The following KAZN variants were observed in gnomAD, a reference collection of about 807,000 sequenced individuals.
KAZN encodes kazrin, periplakin interacting protein, also known as kazrin.
KAZN carries 40 observed loss-of-function variants against 87.4 expected under a neutral mutation model. The observed-to-expected ratio is 0.46, with a 90% CI of 0.36 to 0.60. KAZN has a LOEUF of 0.60. Among genes scored for constraint, KAZN ranks in the 20% least tolerant of loss-of-function variants. The pLI, the probability that KAZN is intolerant of heterozygous loss-of-function variation, is 0.00. For synonymous variants in KAZN, 466 were observed against 458.3 expected, an observed-to-expected ratio of 1.02 and a Z score of -0.22; for missense variants, 898 against 1,073.9, an observed-to-expected ratio of 0.84 and a Z score of 2.29.
At chr1:15,069,558 T>C (rs1245381373) in intron 8 of KAZN, among the ~76,000 whole-genome samples, 1 of 152,164 alleles carries the variant, frequency 6.6e-6, no homozygotes, top group African/African-American at 2.4e-5. Flanking sequence ...ACCCGGGAGT[T>C]GGAGCTTGCA....
intron 1 of KAZN, among the ~76,000 whole-genome samples, chr1:14,164,330 G>C (rs1443567413): frequency 1.3e-5 from 2 of 152,058 alleles, no homozygotes; most frequent in Non-Finnish European, 2.9e-5. Context: ...TCACATGGCT[G>C]GTGGGTTCAT....
intron 4 of KAZN, among the ~76,000 whole-genome samples, chr1:15,048,422 ATGTGTGTGTG>A (rs111596883): frequency 6.6e-6 from 1 of 150,820 alleles, no homozygotes; most frequent in Non-Finnish European, 1.5e-5. Flanking sequence ...ATGTGTGTGT[ATGTGTGTGTG>A]TGTGTGTATG....
chr1:14,136,268 T>C (rs1645107716), intron 1 of KAZN, among the ~76,000 whole-genome samples: 1 of 152,148 alleles, frequency 6.6e-6, no homozygotes. Flanking sequence ...GGATGTCCTC[T>C]GGCTCACTCC....
In KAZN at chr1:15,066,745, T is replaced by A. The variant is rs1639253389; in HGVS notation, c.1222+992T>A. 1.0e-6 allele frequency: 1 copy of A among 985,404 alleles called. No individual in the cohort carries two copies. The highest frequency in any genetic ancestry group is 1.2e-6 in the Non-Finnish European group (1 of 829,952). 61.0% of individuals were successfully genotyped at this position (985,404 alleles called of 1,614,324 possible). A position where few individuals can be genotyped will look rare whatever the true frequency, so the allele number is the denominator to read the frequency against. On this transcript the variant is annotated intron_variant, in intron 8 of 14. Transcript: ENST00000376030. This position sits in a 1 kb window ranked among gnomAD's most constrained non-coding sequence, Gnocchi z 4.3. ...CTGCTACCCAACTGTGCAAAGTAGTTTAGGGTGGCCAGAACCCAGGGACCA... is the reference window on the plus strand; with the variant it reads ...CTGCTACCCAACTGTGCAAAGTAGTATAGGGTGGCCAGAACCCAGGGACCA...
chr1:14,189,812 A>G (rs900805265), intron 2 of KAZN, among the ~76,000 whole-genome samples: 6 of 152,164 alleles, frequency 3.9e-5, no homozygotes, highest in African/African-American at 1.4e-4. Context: ...CATTAATTCA[A>G]TCTATCACAC....
chr1:14,360,949 T>C (rs1478576841), intron 2 of KAZN, among the ~76,000 whole-genome samples: 2 of 152,174 alleles, frequency 1.3e-5, no homozygotes, highest in East Asian at 3.9e-4. Context: ...GTCTGTCCCT[T>C]AGCAGAGCTC....
At chr1:15,072,950 A>T (rs573296771) in intron 8 of KAZN, among the ~76,000 whole-genome samples, 113 of 152,310 alleles carry the variant, frequency 7.4e-4, no homozygotes, top group African/African-American at 2.5e-3. Flanking sequence ...CAACTCCTTA[A>T]TCCAGAAGAG....
intron 2 of KAZN, among the ~76,000 whole-genome samples, chr1:14,448,260 G>A (rs1478060105): frequency 6.6e-6 from 1 of 152,230 alleles, no homozygotes; most frequent in African/African-American, 2.4e-5. Flanking sequence ...TGGCAGAGCA[G>A]GGACATGACC....
intron 2 of KAZN, among the ~76,000 whole-genome samples, chr1:15,006,861 C>G (rs573097587): frequency 6.6e-6 from 1 of 151,890 alleles, no homozygotes; most frequent in Non-Finnish European, 1.5e-5. Flanking sequence ...TCGAGACCAT[C>G]CTGGCTAACA....
At chr1:13,907,283 TA>T (rs1345444685) in intron 1 of KAZN, among the ~76,000 whole-genome samples, 3 of 152,326 alleles carry the variant, frequency 2.0e-5, no homozygotes, top group South Asian at 4.1e-4. Context: ...CTCAAGCCAG[TA>T]TTAGGGATCA....
chr1:14,748,109 G>A (rs983078745), intron 1 of KAZN, among the ~76,000 whole-genome samples: 3 of 152,136 alleles, frequency 2.0e-5, no homozygotes, highest in Non-Finnish European at 4.4e-5. Context: ...GCCCATCCTT[G>A]GCTATCTCTT....
chr1:14,984,635 C>A (rs1405516475), intron 2 of KAZN, among the ~76,000 whole-genome samples: 1 of 152,048 alleles, frequency 6.6e-6, no homozygotes, highest in Non-Finnish European at 1.5e-5. Flanking sequence ...TTTCTTGATG[C>A]CAGTCTCCAT....
chr1:15,110,258 CTTGTGTGTGTATATGTGTGTATGT>C (rs1331850110), intron 13 of KAZN, among the ~76,000 whole-genome samples: 10 of 17,144 alleles, frequency 5.8e-4, no homozygotes, highest in African/African-American at 3.1e-3. Flanking sequence ...TGTATGTGCA[CTTGTGTGTGTATATGTGTGTATGT>C]TTGTGTGTGT....
intron 1 of KAZN, among the ~76,000 whole-genome samples, chr1:13,978,515 C>T (rs1203832114): frequency 7.0e-6 from 1 of 142,714 alleles, no homozygotes; most frequent in Non-Finnish European, 1.5e-5. Flanking sequence ...TATATATAAA[C>T]TATATGAAAA....
In KAZN at chr1:15,078,433, C is replaced by T. The variant is rs1481060953; in HGVS notation, c.1222+12680C>T. Among the ~76,000 whole-genome samples, 4 of 152,008 alleles carry T rather than the reference C, an allele frequency of 2.6e-5. No individual in the cohort carries two copies. The East Asian group carries it at 5.8e-4, about 22-fold the overall frequency. On this transcript the variant is annotated intron_variant, in intron 8 of 14. Coordinates refer to ENST00000376030, the MANE Select transcript of KAZN (RefSeq NM_201628.3). ...AAAAATAAAAAATAAAGTGATGGAA[C>T]GAGGCCAAGAATTGGGGTCCAACAG...
intron 2 of KAZN, among the ~76,000 whole-genome samples, chr1:14,591,130 C>T (rs1348086389): frequency 6.6e-6 from 1 of 151,820 alleles, no homozygotes; most frequent in Admixed American, 6.6e-5. Context: ...GTTGGGGGGA[C>T]CTCTCAGAAA....
chr1:14,284,827 C>T (rs772093870), intron 2 of KAZN, among the ~76,000 whole-genome samples: 19 of 152,180 alleles, frequency 1.2e-4, no homozygotes, highest in East Asian at 1.9e-4. Flanking sequence ...CATTGAGAAA[C>T]GAAGTGGCTT....
chr1:14,099,171 G>A (rs78261688), intron 1 of KAZN, among the ~76,000 whole-genome samples: 7,223 of 152,098 alleles, frequency 0.047, 529 homozygotes, highest in African/African-American at 0.16. Flanking sequence ...AGGAATCAGG[G>A]CCCTTTGCTA....
chr1:14,282,755 C>G (rs1652943001), intron 2 of KAZN, among the ~76,000 whole-genome samples: 1 of 152,160 alleles, frequency 6.6e-6, no homozygotes. Flanking sequence ...TCTGCCTGTT[C>G]CAGGAGCTCA....
Sources: gnomAD v4.1 joint callset for allele counts (sites outside exome capture counted in the v4.1 genomes callset) on GRCh38, gnomAD v4.1.1 for gene constraint, Gnocchi (gnomAD v3.1) non-coding constraint, MANE v1.5 for transcripts, NCBI Gene and HGNC (gene_info 2026-07-23, HGNC 2026-07-21) for gene names.